The following PSMA4 variants were observed in gnomAD, a reference collection of about 807,000 sequenced individuals.
PSMA4 encodes the protein proteasome 20S subunit alpha 4.
In PSMA4, 8 loss-of-function variants were observed where a neutral mutation model predicts 37.2. That is an observed-to-expected ratio of 0.22 (90% CI 0.13 to 0.39). The LOEUF (loss-of-function observed/expected upper bound fraction) is 0.39. Ranked by LOEUF, PSMA4 falls within the 10% of genes least tolerant of loss-of-function variation. PSMA4 has a pLI of 1.00. For synonymous variants in PSMA4, 93 were observed against 98.8 expected (o/e 0.94, Z 0.35); for missense variants, 169 against 305.1 (o/e 0.55, Z 3.32).
chr15:78,547,121 G>A (rs576385068), intron 8 of PSMA4, among the ~76,000 whole-genome samples: 11 of 152,264 alleles, frequency 7.2e-5, no homozygotes, highest in African/African-American at 2.2e-4. Flanking sequence ...GCAACCTTAC[G>A]AATTAGGTGA....
chr15:78,542,318 C>A (rs947388748), intron 3 of PSMA4, 99 bp downstream of exon 3: 31 of 1,418,044 alleles, frequency 2.2e-5, no homozygotes, highest in South Asian at 3.8e-5. Flanking sequence ...TTGCAAAGTT[C>A]ATCCTTTTTG....
rs573279151 is a variant in PSMA4 at position 78,544,685 on chromosome 15, A to C, written c.288-184A>C. ...GAATTGAAAATTACAGATTTTTTTCAACCAAACTTACAAAATATTATTTAC... is the reference window on the plus strand; with the variant it reads ...GAATTGAAAATTACAGATTTTTTTCCACCAAACTTACAAAATATTATTTAC... On this transcript the variant is annotated intron_variant, in intron 5 of 8. Transcript: ENST00000044462. 29 of 495,614 alleles carry C rather than the reference A, an allele frequency of 5.9e-5. No homozygotes were observed. In the South Asian group the frequency reaches 1.1e-3, roughly 19 times the overall value. 30.7% of individuals were successfully genotyped at this position (495,614 alleles called of 1,614,324 possible). A position where few individuals can be genotyped will look rare whatever the true frequency, so the allele number is the denominator to read the frequency against.
Position 78,540,782 on chromosome 15 carries a change from GGGGGTCTGTGGGCAGGACCGAGAGTT to G in PSMA4, c.-24+249_-24+274del, listed in dbSNP as rs2052433321. 7.2e-5 allele frequency: 11 copies of G among 152,248 alleles called. 1 individual carries two copies. Among genetic ancestry groups the G allele is most frequent in the Admixed American group, 7.2e-4 (11 of 15,288 alleles). The allele number at this position is 152,248 out of a possible 1,614,324, so 9.4% of individuals were successfully genotyped here. ...GCCCGCGAGGGGGCGGGCTGAGGGT[GGGGGTCTGTGGGCAGGACCGAGAGTT>G]GGGGTGGCTTCCGTCCTCAGGAGTT... On this transcript the variant is annotated intron_variant, in intron 1 of 8. Transcript: ENST00000044462.
intron 7 of PSMA4, 138 bp downstream of exon 7, chr15:78,545,902 G>C (rs1330827454): frequency 6.3e-6 from 6 of 957,614 alleles, no homozygotes; most frequent in African/African-American, 1.6e-5. Context: ...TGTGATTTCT[G>C]TTGGTGACAG....
intron 1 of PSMA4, 147 bp from the exon 2 acceptor site, chr15:78,541,758 T>C: frequency 2.9e-6 from 2 of 684,134 alleles, no homozygotes; most frequent in Non-Finnish European, 5.1e-6. Context: ...CAGGAACTGG[T>C]TTTACACATT....
intron 8 of PSMA4, among the ~76,000 whole-genome samples, chr15:78,547,604 G>A (rs1159529379): frequency 5.9e-5 from 9 of 152,168 alleles, no homozygotes; most frequent in Admixed American, 5.9e-4. Context: ...GGGAGGCTGA[G>A]GTGGGTGGAT....
Position 78,542,663 on chromosome 15 carries a change from A to T in PSMA4, c.209+18A>T. 6.3e-7 allele frequency: 1 copy of T among 1,580,784 alleles called. No individual in the cohort carries two copies. The highest frequency in any genetic ancestry group is 8.6e-7 in the Non-Finnish European group (1 of 1,163,156). ...CTCAATGAGTAAGTGAGATTTTAGG[A>T]AAGAGTTTAAAAAAAATCTCACTTT... is the stretch of plus-strand genomic sequence containing the variant. On this transcript the variant is annotated intron_variant, in intron 4 of 8. Coordinates refer to ENST00000044462, the MANE Select transcript of PSMA4 (RefSeq NM_002789.6).
Position 78,551,194 on chromosome 15 carries a change from GTAC to G in PSMA4, c.*2255_*2257del, listed in dbSNP as rs1384176292. On this transcript the variant is annotated 3_prime_UTR_variant, in exon 9 of 9. Transcript: ENST00000044462. ...CAGTGATCCTTTCAAAATGTAAACG[GTAC>G]TACTGCACAGTTTTGGCTCAAAACC... 6.6e-6 allele frequency: 1 copy of G among 152,086 alleles called. No individual in the cohort carries two copies. Among genetic ancestry groups the G allele is most frequent in the Non-Finnish European group, 1.5e-5 (1 of 68,066 alleles). 9.4% of individuals were successfully genotyped at this position (152,086 alleles called of 1,614,324 possible).
At chr15:78,546,512 G>T in intron 7 of PSMA4, 63 bp from the exon 8 acceptor site, 2 of 1,417,724 alleles carry the variant, frequency 1.4e-6, no homozygotes, top group South Asian at 2.7e-5. Flanking sequence ...TTTTCTTCTA[G>T]ACCAATTCAT....
At chr15:78,545,548 G>T in intron 6 of PSMA4, 86 bp from the exon 7 acceptor site, 3 of 1,450,706 alleles carry the variant, frequency 2.1e-6, no homozygotes, top group Non-Finnish European at 1.9e-6. Context: ...ACAGAGTAGG[G>T]TTTAGCTACC....
chr15:78,544,095 G>C (rs2052504786), intron 4 of PSMA4, 95 bp from the exon 5 acceptor site: 2 of 875,216 alleles, frequency 2.3e-6, no homozygotes, highest in East Asian at 5.5e-5. Context: ...CAAACATAGT[G>C]AATTTCTAAT....
At chr15:78,542,724 T>C in intron 4 of PSMA4, 79 bp downstream of exon 4, 3 of 1,329,372 alleles carry the variant, frequency 2.3e-6, no homozygotes, top group Non-Finnish European at 3.1e-6. Context: ...TTGGGAGGGC[T>C]CTTCCGTGCG....
intron 4 of PSMA4, among the ~76,000 whole-genome samples, chr15:78,543,372 G>A (rs2052490502): frequency 1.3e-5 from 2 of 152,040 alleles, no homozygotes; most frequent in South Asian, 2.1e-4. Context: ...GTCACAGGGC[G>A]AGTCTCAGCT....
At position 78,548,937 on chromosome 15, in the gene PSMA4, A is replaced by G; in HGVS notation, c.779A>G (p.Asp260Gly). 2 of 1,605,402 alleles carry G rather than the reference A, an allele frequency of 1.2e-6. No individual in the cohort carries two copies. The highest frequency in any genetic ancestry group is 1.7e-6 in the Non-Finnish European group (2 of 1,177,716). The change falls in exon 9 of 9, where the codon GAT becomes GGT. Residue 260 changes from aspartate (D) to glycine (G), a missense_variant. By Grantham distance (94) the Asp-to-Gly change is moderately conservative (BLOSUM62 -1). Coordinates refer to ENST00000044462, the MANE Select transcript of PSMA4 (RefSeq NM_002789.6). ...EKKEKEQKEK[D>G]K Reference sequence around the variant, plus strand: ...AAAGAAAAAGAACAGAAAGAAAAGGATAAATAGAATCAGAGATTTTATTAC... The same window carrying G: ...AAAGAAAAAGAACAGAAAGAAAAGGGTAAATAGAATCAGAGATTTTATTAC...
chr15:78,542,018 T>C (rs569914677), intron 2 of PSMA4, 88 bp downstream of exon 2: 2 of 1,514,990 alleles, frequency 1.3e-6, no homozygotes, highest in East Asian at 2.3e-5. Flanking sequence ...AAAATTGAAA[T>C]AGAAGGAAAG....
At chr15:78,547,273 C>T (rs2052570253) in intron 8 of PSMA4, among the ~76,000 whole-genome samples, 1 of 152,198 alleles carries the variant, frequency 6.6e-6, no homozygotes, top group Non-Finnish European at 1.5e-5. Flanking sequence ...AATCTCATTA[C>T]TCACAGATAG....
intron 5 of PSMA4, 77 bp from the exon 6 acceptor site, chr15:78,544,792 C>A: frequency 9.8e-7 from 1 of 1,020,286 alleles, no homozygotes; most frequent in Non-Finnish European, 1.5e-6. Flanking sequence ...GCATAGATTG[C>A]TTTTCAGAGA....
chr15:78,542,026 A>C, intron 2 of PSMA4, 96 bp downstream of exon 2: 1 of 1,487,892 alleles, frequency 6.7e-7, no homozygotes, highest in Non-Finnish European at 9.3e-7. Flanking sequence ...AATAGAAGGA[A>C]AGCAGTGAGA....
Position 78,545,777 on chromosome 15 carries a change from G to C in PSMA4, c.507+13G>C, listed in dbSNP as rs376581756. On this transcript the variant is annotated intron_variant, in intron 7 of 8. Transcript: ENST00000044462. ...AAATAATAGCGCTGTGAGTATTTTT[G>C]TTGTGCTATAAAATCTAGCAGAATG... 1 of 1,612,884 alleles carries C rather than the reference G, an allele frequency of 6.2e-7. No individual in the cohort carries two copies. The highest frequency in any genetic ancestry group is 8.5e-7 in the Non-Finnish European group (1 of 1,179,344).
Sources: allele counts gnomAD v4.1 joint callset (sites outside exome capture counted in the v4.1 genomes callset), GRCh38; gene constraint gnomAD v4.1.1; transcripts MANE v1.5; gene names NCBI Gene and HGNC (gene_info 2026-07-23, HGNC 2026-07-21).